The following ANO5 variants were observed in gnomAD, a reference collection of about 807,000 sequenced individuals.
ANO5 encodes anoctamin 5, also known as anoctamin-5.
ANO5 carries 109 observed loss-of-function variants against 121.0 expected under a neutral mutation model. That is an observed-to-expected ratio of 0.90 (90% CI 0.77 to 1.06). ANO5 has a LOEUF of 1.06. Ranked by LOEUF, ANO5 falls within the 50% of genes least tolerant of loss-of-function variation. The pLI is 0.00. For synonymous variants in ANO5, 406 were observed against 359.9 expected, an observed-to-expected ratio of 1.13 and a Z score of -1.45; for missense variants, 1,064 against 1,078.5, an observed-to-expected ratio of 0.99 and a Z score of 0.19.
intron 17 of ANO5, among the ~76,000 whole-genome samples, chr11:22,269,488 GAA>G (rs141972424): frequency 8.2e-5 from 1 of 12,162 alleles, no homozygotes; most frequent in East Asian, 1.4e-3. Context: ...AGAAAGGAAA[GAA>G]AAAAGAAAAG....
intron 18 of ANO5, among the ~76,000 whole-genome samples, chr11:22,270,724 T>C (rs1221103522): frequency 6.6e-6 from 1 of 152,220 alleles, no homozygotes; most frequent in Admixed American, 6.5e-5. Context: ...AAGAGTCATT[T>C]TTTAACACCC....
chr11:22,237,855 C>T (rs186155422), intron 8 of ANO5, among the ~76,000 whole-genome samples: 44 of 151,944 alleles, frequency 2.9e-4, no homozygotes, highest in South Asian at 1.7e-3. Context: ...AACCAATCCC[C>T]GGACCCTTGG....
chr11:22,212,191 C>T (rs900427298), intron 3 of ANO5, among the ~76,000 whole-genome samples: 4 of 151,758 alleles, frequency 2.6e-5, no homozygotes, highest in African/African-American at 9.7e-5. Flanking sequence ...CCTTCCTAAA[C>T]CCTTGGAAGG....
At chr11:22,241,485 A>C (rs1853430693) in intron 9 of ANO5, among the ~76,000 whole-genome samples, 1 of 151,950 alleles carries the variant, frequency 6.6e-6, no homozygotes, top group Admixed American at 6.6e-5. Flanking sequence ...TTTCCACAGC[A>C]GCTGAATTAA....
chr11:22,199,317 C>A (rs1253408782), intron 1 of ANO5, among the ~76,000 whole-genome samples: 2 of 152,138 alleles, frequency 1.3e-5, no homozygotes, highest in African/African-American at 4.8e-5. Flanking sequence ...AGTGCTTACA[C>A]AAACATTATG....
chr11:22,237,190 A>T (rs1395894376), intron 8 of ANO5, among the ~76,000 whole-genome samples: 1 of 152,116 alleles, frequency 6.6e-6, no homozygotes, highest in Non-Finnish European at 1.5e-5. Flanking sequence ...TTGGTGATGT[A>T]TTCTCTTTGT....
chr11:22,238,176 T>C (rs1181502181), intron 8 of ANO5, among the ~76,000 whole-genome samples: 1 of 152,040 alleles, frequency 6.6e-6, no homozygotes, highest in East Asian at 1.9e-4. Flanking sequence ...TTATAGATTC[T>C]AAATACTAAC....
chr11:22,252,772 C>T (rs1199292099), intron 12 of ANO5, among the ~76,000 whole-genome samples: 1 of 151,888 alleles, frequency 6.6e-6, no homozygotes, highest in Non-Finnish European at 1.5e-5. Context: ...AAGATGTTCA[C>T]CTATGCTTCA....
chr11:22,253,240 A>T (rs1853885297), intron 12 of ANO5, among the ~76,000 whole-genome samples: 1 of 152,126 alleles, frequency 6.6e-6, no homozygotes, highest in South Asian at 2.1e-4. Context: ...TAATCACAAA[A>T]GTCCGTAGAA....
chr11:22,201,394 A>C (rs752641790), intron 1 of ANO5, among the ~76,000 whole-genome samples: 3 of 152,190 alleles, frequency 2.0e-5, no homozygotes, highest in Non-Finnish European at 2.9e-5. Context: ...GACAAGTGCA[A>C]ATAGAGATAT....
chr11:22,247,396 A>C (rs552651049), intron 9 of ANO5, among the ~76,000 whole-genome samples: 22 of 151,856 alleles, frequency 1.4e-4, no homozygotes, highest in African/African-American at 5.3e-4. Flanking sequence ...TGGAAACAAA[A>C]GATAATTTAG....
In ANO5 at chr11:22,227,286, CT is replaced by C. The variant is rs146983312; in HGVS notation, c.364-8del. 0.037 allele frequency: 59,475 copies of C among 1,597,934 alleles called. 9,229 individuals carry two copies. In the African/African-American group the frequency reaches 0.45, roughly 12 times the overall value. On this transcript the variant is annotated splice_polypyrimidine_tract_variant and intron_variant, in intron 6 of 21. Coordinates refer to ENST00000324559, the MANE Select transcript of ANO5 (RefSeq NM_213599.3). ...ATCAGTAAGCTTTCTGCTGTTTTGC[CT>C]TTTTTTTAATGCAGGACTCGGAAGA...
intron 9 of ANO5, among the ~76,000 whole-genome samples, chr11:22,248,995 G>A (rs764052669): frequency 1.3e-4 from 20 of 152,084 alleles, no homozygotes; most frequent in South Asian, 4.1e-4. Flanking sequence ...AAAACTGGGA[G>A]AAAAAGTTCA....
At position 22,259,675 on chromosome 11, in the gene ANO5, A is replaced by G; in HGVS notation, c.1564A>G (p.Asn522Asp). The G allele has an allele frequency of 6.2e-7, 1 of 1,614,098 alleles. No individual in the cohort carries two copies. The highest frequency in any genetic ancestry group is 8.5e-7 in the Non-Finnish European group (1 of 1,179,996). Residue 522 changes from asparagine to aspartate, a missense_variant, in exon 15 of 22, where the codon AAC becomes GAC. Transcript: ENST00000324559. ...ITTSLTGSCL[N>D]FIVILILNFF... ...CACATCACTCACAGGATCATGCTTG[A>G]ACTTTATTGTCATCTTGATCTTGAA...
intron 6 of ANO5, 70 bp from the exon 7 acceptor site, chr11:22,227,232 T>C (rs764116305): frequency 4.0e-5 from 63 of 1,563,164 alleles, no homozygotes; most frequent in Non-Finnish European, 5.4e-5. Context: ...ATATTATCCA[T>C]CTTATTTAAT....
chr11:22,261,170 T>G (rs934870235), intron 15 of ANO5: 7 of 152,234 alleles, frequency 4.6e-5, no homozygotes, highest in African/African-American at 1.7e-4. Context: ...TGTATTAGTT[T>G]GTTTTCACAC....
chr11:22,236,371 G>A (rs1853221755), intron 8 of ANO5, 95 bp downstream of exon 8: 1 of 1,037,382 alleles, frequency 9.6e-7, no homozygotes, highest in African/African-American at 1.6e-5. Context: ...CAGTTGCTTA[G>A]TTTTCTCTCA....
intron 4 of ANO5, among the ~76,000 whole-genome samples, chr11:22,219,127 A>T (rs550694069): frequency 6.6e-6 from 1 of 152,222 alleles, no homozygotes; most frequent in East Asian, 1.9e-4. Flanking sequence ...GTCCTGAGAC[A>T]TGTCTCTCAT....
rs1379511268 is a variant in ANO5, at chr11:22,281,883, T to A, written c.*2118T>A. On this transcript the variant is annotated 3_prime_UTR_variant, in exon 22 of 22. Coordinates refer to ENST00000324559, the MANE Select transcript of ANO5 (RefSeq NM_213599.3). The stretch of plus-strand genomic sequence containing the variant: ...AAGATAAGTAAATAATTCCCATGGA[T>A]TGATAAATATTTTCCTTTTAAAATG... 1 of 152,148 alleles carries A rather than the reference T, an allele frequency of 6.6e-6. No homozygotes were observed. The highest frequency in any genetic ancestry group is 2.1e-4 in the South Asian group (1 of 4,830). The allele number at this position is 152,148 out of a possible 1,614,324, so 9.4% of individuals were successfully genotyped here. A position where few individuals can be genotyped will look rare whatever the true frequency, so the allele number is the denominator to read the frequency against.
Sources: gnomAD v4.1 joint callset for allele counts (sites outside exome capture counted in the v4.1 genomes callset) on GRCh38, gnomAD v4.1.1 for gene constraint, MANE v1.5 for transcripts, NCBI Gene and HGNC (gene_info 2026-07-23, HGNC 2026-07-21) for gene names.